The following PPP1R9A variants were observed in gnomAD, a reference collection of about 807,000 sequenced individuals.
The protein encoded by PPP1R9A is neurabin-1.
A neutral mutation model predicts 141.9 loss-of-function variants in PPP1R9A; 59 were observed. That is an observed-to-expected ratio of 0.42 (90% CI 0.34 to 0.52). The LOEUF (loss-of-function observed/expected upper bound fraction) is 0.52, where lower values mean the gene tolerates loss of function less well. PPP1R9A is among the 20% of genes least tolerant of loss of function. The probability of loss-of-function intolerance (pLI) is 0.10; values close to 1 mark genes in which losing one functional copy is unlikely to be tolerated. For missense variants in PPP1R9A, 1,444 were observed against 1,611.9 expected, an observed-to-expected ratio of 0.90 and a Z score of 1.78; for synonymous variants, 500 against 569.7, an observed-to-expected ratio of 0.88 and a Z score of 1.74.
chr7:95,106,317 G>T (rs1426714565), intron 2 of PPP1R9A, among the ~76,000 whole-genome samples: 1 of 152,136 alleles, frequency 6.6e-6, no homozygotes, highest in Admixed American at 6.5e-5. Flanking sequence ...CCTTAGCATG[G>T]TTTTACAACT....
At chr7:95,243,891 T>A (rs1233188022) in intron 8 of PPP1R9A, among the ~76,000 whole-genome samples, 1 of 152,120 alleles carries the variant, frequency 6.6e-6, no homozygotes, top group African/African-American at 2.4e-5. Context: ...GGCTGGGATT[T>A]CTAAAACCTG....
intron 2 of PPP1R9A, among the ~76,000 whole-genome samples, chr7:94,948,913 G>A (rs1256090309): frequency 2.6e-5 from 4 of 152,074 alleles, no homozygotes; most frequent in East Asian, 1.9e-4. Context: ...ATATCACTAC[G>A]CCAAAACCCT....
intron 3 of PPP1R9A, among the ~76,000 whole-genome samples, chr7:95,119,523 C>G (rs988574269): frequency 2.0e-5 from 3 of 152,138 alleles, no homozygotes; most frequent in Non-Finnish European, 2.9e-5. Flanking sequence ...GGCATGATCT[C>G]AGCTCACTGC....
At chr7:95,133,534 TA>T (rs1411792590) in intron 4 of PPP1R9A, among the ~76,000 whole-genome samples, 26 of 140,668 alleles carry the variant, frequency 1.8e-4, no homozygotes, top group South Asian at 6.7e-4. Context: ...TATATATATA[TA>T]TATATATGCA....
chr7:95,260,066 T>C (rs1388668846), intron 12 of PPP1R9A, among the ~76,000 whole-genome samples: 1 of 152,156 alleles, frequency 6.6e-6, no homozygotes, highest in Admixed American at 6.5e-5. Flanking sequence ...GGTAAATCAC[T>C]ATGGGAAATT....
chr7:95,068,473 GAAAAAAAAAA>G (rs36043693), intron 2 of PPP1R9A, among the ~76,000 whole-genome samples: 9 of 94,214 alleles, frequency 9.6e-5, no homozygotes, highest in East Asian at 7.3e-4. Flanking sequence ...CTTGTCTCAA[GAAAAAAAAAA>G]AAAAAAAAAA....
chr7:95,081,927 C>T (rs1190244196), intron 2 of PPP1R9A, among the ~76,000 whole-genome samples: 2 of 152,160 alleles, frequency 1.3e-5, no homozygotes, highest in African/African-American at 4.8e-5. Flanking sequence ...AGCCTTGAAA[C>T]CAACAGCCTG....
At chr7:95,247,690 G>C (rs1359590014) in intron 9 of PPP1R9A, among the ~76,000 whole-genome samples, 164 bp downstream of exon 9, 1 of 152,092 alleles carries the variant, frequency 6.6e-6, no homozygotes, top group Non-Finnish European at 1.5e-5. Context: ...GCCAGTGAGA[G>C]CAAACACCCA....
intron 7 of PPP1R9A, among the ~76,000 whole-genome samples, chr7:95,225,297 A>G (rs1794985620): frequency 6.6e-6 from 1 of 152,160 alleles, no homozygotes; most frequent in South Asian, 2.1e-4. Flanking sequence ...TGGCTTTCTC[A>G]AGGAAAGCTG....
At chr7:95,114,871 T>C (rs901281450) in intron 3 of PPP1R9A, among the ~76,000 whole-genome samples, 1 of 135,968 alleles carries the variant, frequency 7.4e-6, no homozygotes, top group Non-Finnish European at 1.6e-5. Context: ...TGGAAAGGAT[T>C]AAACTTAAAA....
intron 2 of PPP1R9A, among the ~76,000 whole-genome samples, chr7:94,994,601 A>G (rs992803603): frequency 6.6e-6 from 1 of 152,184 alleles, no homozygotes; most frequent in Non-Finnish European, 1.5e-5. Context: ...AATTTTTTAA[A>G]AAACTAATTG....
At chr7:94,964,409 A>C (rs1797979569) in intron 2 of PPP1R9A, among the ~76,000 whole-genome samples, 1 of 152,178 alleles carries the variant, frequency 6.6e-6, no homozygotes, top group Non-Finnish European at 1.5e-5. Context: ...ATAGGTATAC[A>C]TGTGCCATGG....
chr7:95,233,975 C>G (rs1389974041), intron 8 of PPP1R9A, among the ~76,000 whole-genome samples: 1 of 152,086 alleles, frequency 6.6e-6, no homozygotes, highest in Admixed American at 6.6e-5. Flanking sequence ...TGACAGAATC[C>G]AGCATCCCTT....
intron 8 of PPP1R9A, among the ~76,000 whole-genome samples, chr7:95,234,575 A>C (rs534790214): frequency 1.3e-3 from 202 of 152,330 alleles, no homozygotes; most frequent in Non-Finnish European, 2.4e-3. Flanking sequence ...GATGGGTAGA[A>C]TCAATATTGT....
At chr7:95,093,071 A>C (rs1337449690) in intron 2 of PPP1R9A, among the ~76,000 whole-genome samples, 2 of 152,126 alleles carry the variant, frequency 1.3e-5, no homozygotes, top group Non-Finnish European at 2.9e-5. Context: ...CCATGCCAAC[A>C]GGTTTTGGTA....
chr7:95,183,855 A>G (rs546327230), intron 5 of PPP1R9A, among the ~76,000 whole-genome samples: 5 of 151,610 alleles, frequency 3.3e-5, no homozygotes, highest in Middle Eastern at 6.8e-3. Flanking sequence ...TATTTTAAAA[A>G]TTTTTTATTT....
At chr7:95,202,544 C>G (rs1407816590) in intron 6 of PPP1R9A, 8 of 801,272 alleles carry the variant, frequency 1.0e-5, no homozygotes, top group Non-Finnish European at 1.2e-5. Flanking sequence ...CTTTCTTTCT[C>G]TTTTCTTTTT....
intron 4 of PPP1R9A, among the ~76,000 whole-genome samples, chr7:95,138,192 A>G (rs1826025932): frequency 6.6e-6 from 1 of 152,166 alleles, no homozygotes; most frequent in African/African-American, 2.4e-5. Flanking sequence ...TTGGTCTCCC[A>G]AAGTGCTGGG....
intron 5 of PPP1R9A, among the ~76,000 whole-genome samples, chr7:95,164,200 T>A (rs908351214): frequency 5.9e-5 from 9 of 152,206 alleles, no homozygotes; most frequent in African/African-American, 2.2e-4. Flanking sequence ...CAGCAATGAG[T>A]GAGAGTTCCT....
Sources: allele counts gnomAD v4.1 joint callset (sites outside exome capture counted in the v4.1 genomes callset), GRCh38; gene constraint gnomAD v4.1.1; transcripts MANE v1.5; gene names NCBI Gene and HGNC (gene_info 2026-07-23, HGNC 2026-07-21).